The following GRM7 variants were observed in gnomAD, a reference collection of about 807,000 sequenced individuals.
GRM7 encodes metabotropic glutamate receptor 7.
A neutral mutation model predicts 84.5 loss-of-function variants in GRM7; 35 were observed. The ratio of observed to expected loss-of-function variants is 0.41; its 90% CI spans 0.32 to 0.55. The LOEUF is 0.55. GRM7 is among the 20% of genes least tolerant of loss of function. The pLI is 0.19. For synonymous variants in GRM7, 487 were observed against 455.1 expected (o/e 1.07, Z -0.89); for missense variants, 1,003 against 1,194.6 (o/e 0.84, Z 2.36).
intron 1 of GRM7, among the ~76,000 whole-genome samples, chr3:7,122,018 T>C (rs1418817527): frequency 6.6e-6 from 1 of 152,198 alleles, no homozygotes; most frequent in Non-Finnish European, 1.5e-5. Context: ...TTGCCAAGGG[T>C]TGCCGTGACC....
At chr3:7,038,596 T>C (rs1696471613) in intron 1 of GRM7, among the ~76,000 whole-genome samples, 1 of 152,314 alleles carries the variant, frequency 6.6e-6, no homozygotes, top group South Asian at 2.1e-4. Flanking sequence ...AAAAGGGTGC[T>C]ACCTACGTGA....
intron 1 of GRM7, among the ~76,000 whole-genome samples, chr3:6,909,136 A>T (rs535069888): frequency 6.6e-6 from 1 of 152,260 alleles, no homozygotes; most frequent in African/African-American, 2.4e-5. Context: ...CCTGTTATGG[A>T]CATACAAGAA....
chr3:7,276,954 G>A lies in GRM7; in HGVS notation c.737-21730G>A, dbSNP rs188391701. On this transcript the variant is annotated intron_variant, in intron 2 of 9. Transcript: ENST00000357716. ...CCAAGTGTTTTCCACCTTAGAGTCAGATACAGCATTGAGGGTTGGTTGGTT... is the reference window on the plus strand; with the variant it reads ...CCAAGTGTTTTCCACCTTAGAGTCAAATACAGCATTGAGGGTTGGTTGGTT... 7.2e-4 allele frequency among the ~76,000 whole-genome samples: 110 copies of A among 152,094 alleles called. 1 individual carries two copies. Among genetic ancestry groups the A allele is most frequent in the Middle Eastern group, 6.8e-3 (2 of 294 alleles).
chr3:7,496,363 A>G (rs1240062259), intron 7 of GRM7, among the ~76,000 whole-genome samples: 2 of 152,160 alleles, frequency 1.3e-5, no homozygotes, highest in African/African-American at 4.8e-5. Flanking sequence ...CTTAATTGTA[A>G]TCTTATCATC....
intron 7 of GRM7, among the ~76,000 whole-genome samples, chr3:7,488,986 C>T (rs994088073): frequency 6.6e-6 from 1 of 152,082 alleles, no homozygotes; most frequent in Non-Finnish European, 1.5e-5. Flanking sequence ...ACACCGTCCA[C>T]AACAAGTAGT....
intron 8 of GRM7, among the ~76,000 whole-genome samples, chr3:7,597,631 T>C (rs961619370): frequency 2.0e-5 from 3 of 152,112 alleles, no homozygotes; most frequent in Non-Finnish European, 4.4e-5. Flanking sequence ...TATTAGATAG[T>C]GCACATAAAA....
intron 9 of GRM7, among the ~76,000 whole-genome samples, chr3:7,701,530 C>T (rs1401105705): frequency 6.6e-6 from 1 of 152,026 alleles, no homozygotes. Flanking sequence ...GTCTCGATCT[C>T]CTGACCTCGT....
Position 7,711,737 on chromosome 3 carries a change from C to T in GRM7, c.2699-28620C>T, listed in dbSNP as rs370046117. Among the ~76,000 whole-genome samples, 167 of 152,318 alleles carry T rather than the reference C, an allele frequency of 1.1e-3. 1 individual carries two copies. Among genetic ancestry groups the T allele is most frequent in the South Asian group, 4.4e-3 (21 of 4,820 alleles). On this transcript the variant is annotated intron_variant, in intron 9 of 9. Transcript: ENST00000357716. ...CTCGATGCCTCGCCTGTGTGTTACA[C>T]ACGCGGCACCATTGGCGCCTTTCAA...
chr3:7,639,337 C>A (rs1698256904), intron 8 of GRM7, among the ~76,000 whole-genome samples: 1 of 152,326 alleles, frequency 6.6e-6, no homozygotes, highest in African/African-American at 2.4e-5. Context: ...TCTCCCTTAC[C>A]CAAAAACATT....
chr3:7,004,292 A>T (rs995559725), intron 1 of GRM7, among the ~76,000 whole-genome samples: 3 of 152,180 alleles, frequency 2.0e-5, no homozygotes, highest in African/African-American at 7.2e-5. Flanking sequence ...AAACACAAGA[A>T]TTACATGTAT....
At position 7,537,442 on chromosome 3, in the gene GRM7, C is replaced by T. The variant is rs561848477; in HGVS notation, c.1516-40980C>T. On this transcript the variant is annotated intron_variant, in intron 7 of 9. Coordinates refer to ENST00000357716, the MANE Select transcript of GRM7 (RefSeq NM_000844.4). Reference sequence around the variant, plus strand: ...GTCTGATTGTGTGGCTTGAGATAGACAGGGGTGTCTACCATAGCAGATTCA... The same window carrying T: ...GTCTGATTGTGTGGCTTGAGATAGATAGGGGTGTCTACCATAGCAGATTCA... 6.8e-4 allele frequency among the ~76,000 whole-genome samples: 104 copies of T among 152,228 alleles called. 1 individual carries two copies. Among genetic ancestry groups the T allele is most frequent in the African/African-American group, 2.4e-3 (99 of 41,538 alleles).
chr3:7,031,599 G>T (rs928306264), intron 1 of GRM7, among the ~76,000 whole-genome samples: 9 of 151,886 alleles, frequency 5.9e-5, no homozygotes, highest in African/African-American at 2.2e-4. Context: ...TGTATTTTTA[G>T]TAGAGACAGG....
chr3:7,072,904 T>G (rs7615066), intron 1 of GRM7, among the ~76,000 whole-genome samples: 47,531 of 152,008 alleles, frequency 0.31, 7,930 homozygotes, highest in African/African-American at 0.43. Flanking sequence ...GCTAAAGTCG[T>G]AATAGATTCA....
chr3:7,403,575 T>C (rs917576885), intron 4 of GRM7, among the ~76,000 whole-genome samples: 3 of 147,712 alleles, frequency 2.0e-5, no homozygotes, highest in African/African-American at 7.4e-5. Context: ...CGTCCGTTAT[T>C]TGATGTTTCC....
intron 1 of GRM7, among the ~76,000 whole-genome samples, chr3:7,134,725 GA>G (rs1693717870): frequency 6.6e-6 from 1 of 152,066 alleles, no homozygotes; most frequent in African/African-American, 2.4e-5. Flanking sequence ...GCAAATCTGG[GA>G]ACTGTAACCA....
In GRM7 at chr3:7,701,321, G is replaced by C. The variant is rs190486767; in HGVS notation, c.2698+21026G>C. ...GCATTTTTTTTTTTTTTTTTTTTGA[G>C]ACGGAATCTCACTCTGTCACACAGG... is the stretch of plus-strand genomic sequence containing the variant. On this transcript the variant is annotated intron_variant, in intron 9 of 9. Coordinates refer to ENST00000357716, the MANE Select transcript of GRM7 (RefSeq NM_000844.4). Among the ~76,000 whole-genome samples, 566 of 101,398 alleles carry C rather than the reference G, an allele frequency of 5.6e-3. 7 individuals carry two copies. Among genetic ancestry groups the C allele is most frequent in the African/African-American group, 0.021 (533 of 25,584 alleles). 66.5% of individuals were successfully genotyped at this position (101,398 alleles called of 152,430 possible).
chr3:7,661,266 C>T (rs1575603965), intron 8 of GRM7, among the ~76,000 whole-genome samples: 1 of 152,160 alleles, frequency 6.6e-6, no homozygotes, highest in African/African-American at 2.4e-5. Flanking sequence ...AGGCCAACAA[C>T]GCAGTAAAAA....
intron 7 of GRM7, among the ~76,000 whole-genome samples, chr3:7,528,454 A>G (rs1246617023): frequency 6.6e-6 from 1 of 151,968 alleles, no homozygotes; most frequent in Non-Finnish European, 1.5e-5. Flanking sequence ...TATTGCTTAC[A>G]CTTTCAAAGA....
At chr3:7,511,916 A>G (rs997036769) in intron 7 of GRM7, among the ~76,000 whole-genome samples, 6 of 152,262 alleles carry the variant, frequency 3.9e-5, no homozygotes, top group Middle Eastern at 3.4e-3. Context: ...CTGAGGTGGG[A>G]GAATTATTTG....
Sources: gnomAD v4.1 joint callset for allele counts (sites outside exome capture counted in the v4.1 genomes callset) on GRCh38, gnomAD v4.1.1 for gene constraint, MANE v1.5 for transcripts, NCBI Gene and HGNC (gene_info 2026-07-23, HGNC 2026-07-21) for gene names.